PPIL1: variants seen among roughly 807,000 people sequenced by gnomAD.
PPIL1 encodes the protein peptidyl-prolyl cis-trans isomerase-like 1.
In PPIL1, 14 loss-of-function variants were observed where a neutral mutation model predicts 19.4. That is an observed-to-expected ratio of 0.72 (90% CI 0.48 to 1.13). PPIL1 has a LOEUF of 1.13. PPIL1 is among the 50% of genes most tolerant of loss of function. The probability of loss-of-function intolerance (pLI) is 0.00; values close to 1 mark genes in which losing one functional copy is unlikely to be tolerated. For missense variants in PPIL1, 192 were observed against 218.0 expected (o/e 0.88, Z 0.75); for synonymous variants, 72 against 73.6 (o/e 0.98, Z 0.11).
At chr6:36,866,339 A>G (rs1774393406) in intron 2 of PPIL1, among the ~76,000 whole-genome samples, 1 of 152,172 alleles carries the variant, frequency 6.6e-6, no homozygotes, top group African/African-American at 2.4e-5. Flanking sequence ...ACAGCTGGGA[A>G]TGGAAGTGGT....
intron 2 of PPIL1, among the ~76,000 whole-genome samples, chr6:36,856,940 A>C (rs1774180296): frequency 6.6e-6 from 1 of 152,266 alleles, no homozygotes; most frequent in Non-Finnish European, 1.5e-5. Context: ...ATAGAACATT[A>C]TCAAAAGAAC....
intron 2 of PPIL1, 113 bp from the exon 3 acceptor site, chr6:36,856,767 T>G (rs1774176052): frequency 1.1e-6 from 1 of 878,298 alleles, no homozygotes. Flanking sequence ...GAAAAGGCAG[T>G]GACACCTACC....
chr6:36,858,422 C>T (rs1040324564), intron 2 of PPIL1: 1 of 152,182 alleles, frequency 6.6e-6, no homozygotes, highest in Non-Finnish European at 1.5e-5. Flanking sequence ...AAAGTAAACA[C>T]TGGATTGGTA....
At chr6:36,861,239 G>A (rs1424503703) in intron 2 of PPIL1, among the ~76,000 whole-genome samples, 2 of 151,912 alleles carry the variant, frequency 1.3e-5, no homozygotes, top group African/African-American at 4.8e-5. Flanking sequence ...TACTGCTCTA[G>A]GTCCTTCTGT....
At chr6:36,862,318 G>A (rs1774306650) in intron 2 of PPIL1, among the ~76,000 whole-genome samples, 2 of 152,282 alleles carry the variant, frequency 1.3e-5, no homozygotes, top group Admixed American at 6.5e-5. Context: ...GCCTCTAACA[G>A]ACACTGTCCG....
chr6:36,873,885 G>A (rs1338215285), intron 1 of PPIL1, among the ~76,000 whole-genome samples: 2 of 152,178 alleles, frequency 1.3e-5, no homozygotes, highest in African/African-American at 4.8e-5. Context: ...GGATTAATAC[G>A]TTTTTACTTT....
intron 2 of PPIL1, among the ~76,000 whole-genome samples, chr6:36,866,183 A>G (rs1420635347): frequency 1.3e-5 from 2 of 152,218 alleles, no homozygotes; most frequent in African/African-American, 4.8e-5. Context: ...TAGTTATTAT[A>G]ATATGGGAAA....
At chr6:36,873,150 G>A (rs1431455936) in intron 1 of PPIL1, among the ~76,000 whole-genome samples, 2 of 152,190 alleles carry the variant, frequency 1.3e-5, no homozygotes, top group Non-Finnish European at 2.9e-5. Context: ...ACAGAAAGTA[G>A]CCTTTTGGAA....
chr6:36,874,665 G>T, intron 1 of PPIL1, 52 bp downstream of exon 1: 1 of 1,599,160 alleles, frequency 6.3e-7, no homozygotes, highest in Non-Finnish European at 8.6e-7. Context: ...CCCGTGGTGA[G>T]GCCCGGGCTC....
intron 2 of PPIL1, among the ~76,000 whole-genome samples, chr6:36,861,852 A>G (rs1196906252): frequency 6.6e-6 from 1 of 151,898 alleles, no homozygotes; most frequent in African/African-American, 2.4e-5. Context: ...ATGCGCCACC[A>G]TGCCTGGCTA....
intron 2 of PPIL1, among the ~76,000 whole-genome samples, chr6:36,860,859 T>G (rs899696164): frequency 6.6e-6 from 1 of 152,142 alleles, no homozygotes; most frequent in Non-Finnish European, 1.5e-5. Flanking sequence ...ATTGTTGTTT[T>G]GCATGTTTTT....
rs952408484 is a variant in PPIL1, at chr6:36,855,515, C to T, written c.*298G>A. On this transcript the variant is annotated 3_prime_UTR_variant, in exon 4 of 4. Coordinates refer to ENST00000373699, the MANE Select transcript of PPIL1 (RefSeq NM_016059.5). ...TGACAGTGGCTGCTACATTGTTCGACGTATATCAGAGCAGACATGCACAAG... is the reference window on the plus strand; with the variant it reads ...TGACAGTGGCTGCTACATTGTTCGATGTATATCAGAGCAGACATGCACAAG... 1.3e-5 allele frequency: 5 copies of T among 378,578 alleles called. No individual in the cohort carries two copies. The highest frequency in any genetic ancestry group is 2.6e-5 in the South Asian group (1 of 37,778). The allele number at this position is 378,578 out of a possible 1,614,324, so 23.5% of individuals were successfully genotyped here. A position where few individuals can be genotyped will look rare whatever the true frequency, so the allele number is the denominator to read the frequency against.
In PPIL1 at chr6:36,855,687, G is replaced by T; in HGVS notation, c.*126C>A. ...CTTCCATCTCTAACTCACCCAAGAT[G>T]CCAGGCCTCCTAAGCTTCATGACTT... On this transcript the variant is annotated 3_prime_UTR_variant, in exon 4 of 4. Coordinates refer to ENST00000373699, the MANE Select transcript of PPIL1 (RefSeq NM_016059.5). 1.1e-6 allele frequency: 1 copy of T among 898,670 alleles called. No homozygotes were observed. The highest frequency in any genetic ancestry group is 1.7e-6 in the Non-Finnish European group (1 of 575,158). The allele number at this position is 898,670 out of a possible 1,614,324, so 55.7% of individuals were successfully genotyped here. A position where few individuals can be genotyped will look rare whatever the true frequency, so the allele number is the denominator to read the frequency against.
At chr6:36,866,790 G>A (rs780632223) in intron 2 of PPIL1, among the ~76,000 whole-genome samples, 3 of 152,112 alleles carry the variant, frequency 2.0e-5, no homozygotes, top group Non-Finnish European at 4.4e-5. Context: ...TCGAAGTACC[G>A]ACGGAACCCT....
chr6:36,863,157 C>T (rs191816502), intron 2 of PPIL1, among the ~76,000 whole-genome samples: 1 of 152,192 alleles, frequency 6.6e-6, no homozygotes, highest in African/African-American at 2.4e-5. Flanking sequence ...ACTGAGGTAA[C>T]CCGAGCATTT....
intron 1 of PPIL1, among the ~76,000 whole-genome samples, chr6:36,872,555 G>A (rs913618313): frequency 6.6e-5 from 10 of 151,932 alleles, no homozygotes; most frequent in African/African-American, 1.5e-4. Flanking sequence ...GAGAAAGGAC[G>A]AGTGCCTTCC....
At position 36,872,966 on chromosome 6, in the gene PPIL1, T is replaced by G. The variant is rs141437874; in HGVS notation, c.57-1094A>C. On this transcript the variant is annotated intron_variant, in intron 1 of 3. Transcript: ENST00000373699. ...TGGATACCCAGTGCCTTGCACAGTG[T>G]AAACACTCTATAAGTATATGAGGAG... Among the ~76,000 whole-genome samples the G allele has an allele frequency of 5.1e-3, 784 of 152,320 alleles. 7 individuals carry two copies. Among genetic ancestry groups the G allele is most frequent in the African/African-American group, 0.016 (673 of 41,566 alleles).
intron 2 of PPIL1, among the ~76,000 whole-genome samples, chr6:36,862,693 C>A (rs1774315214): frequency 6.6e-6 from 1 of 152,218 alleles, no homozygotes; most frequent in African/African-American, 2.4e-5. Flanking sequence ...AGATCCCTGA[C>A]AACTCTTCTG....
chr6:36,866,945 G>T (rs903232379), intron 2 of PPIL1, among the ~76,000 whole-genome samples: 3 of 152,098 alleles, frequency 2.0e-5, no homozygotes, highest in Non-Finnish European at 2.9e-5. Context: ...GTTTTATTGG[G>T]GACTTACATA....
Sources: gnomAD v4.1 joint callset for allele counts (sites outside exome capture counted in the v4.1 genomes callset) on GRCh38, gnomAD v4.1.1 for gene constraint, MANE v1.5 for transcripts, NCBI Gene and HGNC (gene_info 2026-07-23, HGNC 2026-07-21) for gene names.